TRAF2: variants seen among roughly 807,000 people sequenced by gnomAD.
TRAF2 encodes the protein TNF receptor-associated factor 2.
In TRAF2, 6 loss-of-function variants were observed where a neutral mutation model predicts 55.6. The observed-to-expected ratio is 0.11, with a 90% CI of 0.06 to 0.21. TRAF2 has a LOEUF of 0.21. TRAF2 is among the 10% of genes least tolerant of loss of function. The probability of loss-of-function intolerance (pLI) is 1.00; values close to 1 mark genes in which losing one functional copy is unlikely to be tolerated. For missense variants in TRAF2, 561 were observed against 684.5 expected (o/e 0.82, Z 2.01); for synonymous variants, 329 against 276.3 (o/e 1.19, Z -1.89).
intron 6 of TRAF2, among the ~76,000 whole-genome samples, chr9:136,911,846 CTTTTTTTTTTT>C (rs71492143): frequency 1.7e-4 from 12 of 71,446 alleles, no homozygotes; most frequent in African/African-American, 7.6e-4. Flanking sequence ...TCTCTTATCT[CTTTTTTTTTTT>C]TTTTTTTTTT....
upstream of TRAF2, chr9:136,886,474 G>C (rs1218977548): frequency 1.0e-6 from 1 of 1,004,442 alleles, no homozygotes; most frequent in Non-Finnish European, 1.2e-6. Flanking sequence ...CGGAGCGGCG[G>C]CGGCGGCGGC....
At chr9:136,893,476 G>A (rs1485260388) in intron 1 of TRAF2, among the ~76,000 whole-genome samples, 2 of 152,188 alleles carry the variant, frequency 1.3e-5, no homozygotes, top group Admixed American at 1.3e-4. Context: ...GGATGAGGTC[G>A]CTGCACTCTG....
chr9:136,898,663 C>G (rs770354278), intron 1 of TRAF2, 50 bp from the exon 2 acceptor site: 2 of 1,598,050 alleles, frequency 1.3e-6, no homozygotes, highest in South Asian at 1.1e-5. Flanking sequence ...GGTTTTGTCT[C>G]GAGGACTGTT....
At chr9:136,913,599 A>C (rs1262900197) in intron 6 of TRAF2, among the ~76,000 whole-genome samples, 1 of 152,124 alleles carries the variant, frequency 6.6e-6, no homozygotes, top group Non-Finnish European at 1.5e-5. Flanking sequence ...GCCCGGCTAC[A>C]TACTATGTTC....
At chr9:136,923,763 T>C in intron 9 of TRAF2, 89 bp from the exon 10 acceptor site, 1 of 1,418,924 alleles carries the variant, frequency 7.0e-7, no homozygotes, top group Non-Finnish European at 9.6e-7. Context: ...TAGGTGTTTT[T>C]GTCCCTGGGG....
chr9:136,904,207 TTAC>T lies in TRAF2; in HGVS notation c.366+3690_366+3692del, dbSNP rs750766201. On this transcript the variant is annotated intron_variant, in intron 4 of 10. Transcript: ENST00000247668. ...TATCATTTCACCTATGAGCATTTTA[TTAC>T]TATTATTTTTAGAAATAGAGTCTCG... Among the ~76,000 whole-genome samples the T allele has an allele frequency of 4.9e-3, 744 of 152,228 alleles. 6 individuals are homozygous for T. The Middle Eastern group carries it at 0.071, about 15-fold the overall frequency.
chr9:136,900,683 C>G (rs774215617), intron 4 of TRAF2, 163 bp downstream of exon 4: 1 of 705,970 alleles, frequency 1.4e-6, no homozygotes, highest in South Asian at 1.5e-5. Flanking sequence ...TAGAGTATGT[C>G]CATTTAGAAA....
chr9:136,920,775 A>G (rs1850366103), intron 8 of TRAF2, among the ~76,000 whole-genome samples: 1 of 152,288 alleles, frequency 6.6e-6, no homozygotes, highest in East Asian at 1.9e-4. Flanking sequence ...ATGGGAGGGC[A>G]GAGTCAGCCA....
chr9:136,924,355 T>A (rs1850469904), intron 10 of TRAF2, among the ~76,000 whole-genome samples: 1 of 150,690 alleles, frequency 6.6e-6, no homozygotes, highest in Non-Finnish European at 1.5e-5. Flanking sequence ...AACCCAGGAG[T>A]TTGAGATCAG....
At chr9:136,901,814 A>G (rs1849826802) in intron 4 of TRAF2, 1 of 152,174 alleles carries the variant, frequency 6.6e-6, no homozygotes, top group Non-Finnish European at 1.5e-5. Flanking sequence ...GACCTGCATT[A>G]CTGTGTGTTT....
chr9:136,915,036 G>A (rs145001976), intron 6 of TRAF2, among the ~76,000 whole-genome samples: 72 of 152,154 alleles, frequency 4.7e-4, no homozygotes, highest in Admixed American at 3.5e-3. Context: ...AAAATTAGCC[G>A]GGTGTGGTAG....
chr9:136,926,222 G>A lies in TRAF2; in HGVS notation c.*321G>A, dbSNP rs1338646123. Reference sequence around the variant, plus strand: ...CAGTGAAGGGAGAGGCCCTGGGTGGGGGACACTCAGAGTGGGAGCACATCC... The same window carrying A: ...CAGTGAAGGGAGAGGCCCTGGGTGGAGGACACTCAGAGTGGGAGCACATCC... On this transcript the variant is annotated 3_prime_UTR_variant, in exon 11 of 11. Transcript: ENST00000247668. 10 of 470,182 alleles carry A rather than the reference G, an allele frequency of 2.1e-5. No homozygotes were observed. Among genetic ancestry groups the A allele is most frequent in the Non-Finnish European group, 4.0e-5 (10 of 247,252 alleles). 29.1% of individuals were successfully genotyped at this position (470,182 alleles called of 1,614,324 possible). A position where few individuals can be genotyped will look rare whatever the true frequency, so the allele number is the denominator to read the frequency against.
In TRAF2 at chr9:136,918,268, TAA is replaced by T. The variant is rs1446678818; in HGVS notation, c.678+1654_678+1655del. On this transcript the variant is annotated intron_variant, in intron 7 of 10. Coordinates refer to ENST00000247668, the MANE Select transcript of TRAF2 (RefSeq NM_021138.4). ...ATATATATATATATATTTATTTAATTAATTAATTTATTTATTTTTGAGGTTGA... is the reference window on the plus strand; with the variant it reads ...ATATATATATATATATTTATTTAATTTTAATTTATTTATTTTTGAGGTTGA... Among the ~76,000 whole-genome samples the T allele has an allele frequency of 2.0e-3, 277 of 139,144 alleles. 2 individuals carry two copies. The highest frequency in any genetic ancestry group is 7.0e-3 in the African/African-American group (260 of 37,066). 91.3% of individuals were successfully genotyped at this position (139,144 alleles called of 152,430 possible).
chr9:136,890,969 T>C (rs1008278413), intron 1 of TRAF2, among the ~76,000 whole-genome samples: 2 of 152,214 alleles, frequency 1.3e-5, no homozygotes, highest in African/African-American at 4.8e-5. Context: ...CTCCCCAGGC[T>C]CAGGTGATCC....
At chr9:136,900,713 A>AG (rs1849801193) in intron 4 of TRAF2, 193 bp downstream of exon 4, 1 of 642,316 alleles carries the variant, frequency 1.6e-6, no homozygotes, top group Non-Finnish European at 2.9e-6. Context: ...TGCAGAGCAC[A>AG]GACCTGCACC....
At chr9:136,925,605 GC>G in intron 10 of TRAF2, 77 bp from the exon 11 acceptor site, 1 of 1,454,112 alleles carries the variant, frequency 6.9e-7, no homozygotes, top group South Asian at 1.2e-5. Flanking sequence ...TGGTGGCCCT[GC>G]CAGTGTCCAG....
At chr9:136,893,540 G>A (rs1849622245) in intron 1 of TRAF2, among the ~76,000 whole-genome samples, 1 of 152,220 alleles carries the variant, frequency 6.6e-6, no homozygotes, top group Non-Finnish European at 1.5e-5. Context: ...TGTCTCTCCT[G>A]TAGAGGATTA....
At chr9:136,883,973 T>C (rs1387486977), upstream of TRAF2, among the ~76,000 whole-genome samples, 1 of 151,814 alleles carries the variant, frequency 6.6e-6, no homozygotes, top group Non-Finnish European at 1.5e-5. Flanking sequence ...TACAGGCGCG[T>C]ACCACCATGC....
upstream of TRAF2, chr9:136,886,221 C>A (rs942104014): frequency 1.6e-5 from 3 of 187,224 alleles, no homozygotes; most frequent in Non-Finnish European, 3.0e-5. Context: ...AGCACCTCAC[C>A]AGCTCCCCGC....
Sources: gnomAD v4.1 joint callset for allele counts (sites outside exome capture counted in the v4.1 genomes callset) on GRCh38, gnomAD v4.1.1 for gene constraint, MANE v1.5 for transcripts, NCBI Gene and HGNC (gene_info 2026-07-23, HGNC 2026-07-21) for gene names.